Variants in TNN observed in about 807,000 individuals in gnomAD.
TNN encodes tenascin-N.
Under a neutral mutation model 134.4 loss-of-function variants are expected in TNN, and 122 were observed. The ratio of observed to expected loss-of-function variants is 0.91; its 90% CI spans 0.78 to 1.06. The LOEUF (loss-of-function observed/expected upper bound fraction) is 1.06. TNN is among the 50% of genes least tolerant of loss of function. The pLI is 0.00. For synonymous variants in TNN, 710 were observed against 670.3 expected (o/e 1.06, Z -0.91); for missense variants, 1,739 against 1,699.4 (o/e 1.02, Z -0.41).
In TNN at chr1:175,077,480, T is replaced by C. The variant is rs1384959922; in HGVS notation, c.62T>C (p.Val21Ala). Residue 21 changes from valine (V) to alanine (A), a missense_variant, in exon 2 of 19, where the codon GTG becomes GCG. By Grantham distance (64) the Val-to-Ala change is moderately conservative. Coordinates refer to ENST00000239462, the MANE Select transcript of TNN (RefSeq NM_022093.2). ...CTCCTGCTTGGCTCTGTGCTCCTGG[T>C]GGCTTCGGCCCCAGCCACTCTGGAG... ...MGLLLGSVLL[V>A]ASAPATLEPP... 1 of 1,613,774 alleles carries C rather than the reference T, an allele frequency of 6.2e-7. No homozygotes were observed. The highest frequency in any genetic ancestry group is 8.5e-7 in the Non-Finnish European group (1 of 1,180,026).
At position 175,125,741 on chromosome 1, in the gene TNN, CT is replaced by C. The variant is rs1488955370; in HGVS notation, c.2915-1211del. Among the ~76,000 whole-genome samples, 4 of 131,516 alleles carry C rather than the reference CT, an allele frequency of 3.0e-5. No homozygotes were observed. The Admixed American group carries it at 3.2e-4, about 11-fold the overall frequency. The allele number at this position is 131,516 out of a possible 152,430, so 86.3% of individuals were successfully genotyped here. A position where few individuals can be genotyped will look rare whatever the true frequency, so the allele number is the denominator to read the frequency against. On this transcript the variant is annotated intron_variant, in intron 12 of 18. Transcript: ENST00000239462. ...TCTTTCTTTCTTTCTTTCTTTCTTTCTTTCTTTCTTTCTTTCTCTCTCTCTC... is the reference window on the plus strand; with the variant it reads ...TCTTTCTTTCTTTCTTTCTTTCTTTCTTCTTTCTTTCTTTCTCTCTCTCTC...
At position 175,119,283 on chromosome 1, in the gene TNN, G is replaced by C. The variant is rs1675280026; in HGVS notation, c.2650+459G>C. 3.3e-5 allele frequency among the ~76,000 whole-genome samples: 5 copies of C among 152,236 alleles called. No individual in the cohort carries two copies. In the South Asian group the frequency reaches 1.0e-3, roughly 31 times the overall value. On this transcript the variant is annotated intron_variant, in intron 11 of 18. Coordinates refer to ENST00000239462, the MANE Select transcript of TNN (RefSeq NM_022093.2). ...ATACCTCCCCTTTTTAGACCATATA[G>C]GGTGACTTCCTGACATTGCCTTGGC... is the stretch of plus-strand genomic sequence containing the variant.
chr1:175,116,063 C>T (rs917824900), intron 9 of TNN, among the ~76,000 whole-genome samples: 5 of 151,694 alleles, frequency 3.3e-5, no homozygotes, highest in Admixed American at 6.6e-5. Flanking sequence ...TTTTAAATGT[C>T]GTTGTTTATT....
At chr1:175,134,869 T>C (rs967015026) in intron 15 of TNN, among the ~76,000 whole-genome samples, 2 of 152,164 alleles carry the variant, frequency 1.3e-5, no homozygotes, top group Non-Finnish European at 2.9e-5. Flanking sequence ...GTCCATTCCA[T>C]ACACTACAAG....
intron 6 of TNN, 67 bp downstream of exon 6, chr1:175,085,561 A>T: frequency 9.1e-7 from 1 of 1,100,242 alleles, no homozygotes; most frequent in African/African-American, 1.6e-5. Context: ...TTCTTGGCTG[A>T]CTCCTCTCTG....
chr1:175,144,409 T>A lies in TNN; in HGVS notation c.3618T>A (p.Asn1206Lys). 1 of 1,614,060 alleles carries A rather than the reference T, an allele frequency of 6.2e-7. No individual in the cohort carries two copies. Among genetic ancestry groups the A allele is most frequent in the Non-Finnish European group, 8.5e-7 (1 of 1,179,984 alleles). Reference sequence around the variant, plus strand: ...CAGGGGATGCTCTTACTTACCACAATGGATGGAAGTTTACAACTTTTGACA... The same window carrying A: ...CAGGGGATGCTCTTACTTACCACAAAGGATGGAAGTTTACAACTTTTGACA... ...GTAGDALTYH[N>K]GWKFTTFDRD... The change falls in exon 18 of 19, where the codon AAT becomes AAA. Residue 1206 changes from asparagine to lysine, a missense_variant. Coordinates refer to ENST00000239462, the MANE Select transcript of TNN (RefSeq NM_022093.2).
intron 7 of TNN, 54 bp downstream of exon 7, chr1:175,094,307 A>G: frequency 2.1e-6 from 3 of 1,457,550 alleles, no homozygotes; most frequent in East Asian, 4.8e-5. Flanking sequence ...GAGAAGGTTG[A>G]TTTTTGAATC....
At chr1:175,125,701 CTCTCTTTCTT>C (rs776211165) in intron 12 of TNN, among the ~76,000 whole-genome samples, 19,021 of 102,016 alleles carry the variant, frequency 0.19, 2,425 homozygotes, top group Admixed American at 0.24. Flanking sequence ...TCTCTTTTTT[CTCTCTTTCTT>C]TCTTTCTTTC....
chr1:175,083,279 T>C (rs1011255809), intron 4 of TNN, among the ~76,000 whole-genome samples: 1 of 152,254 alleles, frequency 6.6e-6, no homozygotes, highest in African/African-American at 2.4e-5. Flanking sequence ...ATTACCAATG[T>C]TGTCCTTGAG....
At chr1:175,125,440 C>A (rs1191291888) in intron 12 of TNN, among the ~76,000 whole-genome samples, 1 of 152,000 alleles carries the variant, frequency 6.6e-6, no homozygotes, top group African/African-American at 2.4e-5. Flanking sequence ...GTCTACAGTG[C>A]ACACTTGCTT....
intron 18 of TNN, among the ~76,000 whole-genome samples, chr1:175,146,100 T>C (rs1263684868): frequency 6.6e-6 from 1 of 152,172 alleles, no homozygotes; most frequent in East Asian, 1.9e-4. Flanking sequence ...ATGTGATTTT[T>C]CAAAGGGAAG....
chr1:175,145,572 A>AAAAAAAAAAAAAAAAC (rs1558378523), intron 18 of TNN, among the ~76,000 whole-genome samples: 1 of 149,518 alleles, frequency 6.7e-6, no homozygotes, highest in African/African-American at 2.5e-5. Context: ...AAAAAAAAAA[A>AAAAAAAAAAAAAAAAC]AAAGCTGTCT....
Position 175,118,548 on chromosome 1 carries a change from T to A in TNN, c.2387-13T>A. On this transcript the variant is annotated splice_polypyrimidine_tract_variant and intron_variant, in intron 10 of 18. Transcript: ENST00000239462. ...TGTTCATAGTGCATATTGGTCAGCATTTTTTTTTTCAGACATTGACAGCCC... is the reference window on the plus strand; with the variant it reads ...TGTTCATAGTGCATATTGGTCAGCAATTTTTTTTTCAGACATTGACAGCCC... The A allele has an allele frequency of 1.4e-6, 2 of 1,414,496 alleles. No individual in the cohort carries two copies. Among genetic ancestry groups the A allele is most frequent in the Non-Finnish European group, 1.9e-6 (2 of 1,046,018 alleles). 87.6% of individuals were successfully genotyped at this position (1,414,496 alleles called of 1,614,324 possible).
chr1:175,084,602 G>A (rs1185309693), intron 5 of TNN, among the ~76,000 whole-genome samples: 2 of 152,332 alleles, frequency 1.3e-5, no homozygotes, highest in East Asian at 3.9e-4. Context: ...GCCCGTGAAA[G>A]TGTGGGGCTT....
At chr1:175,094,719 A>G (rs1307723071) in intron 7 of TNN, among the ~76,000 whole-genome samples, 1 of 152,244 alleles carries the variant, frequency 6.6e-6, no homozygotes, top group Non-Finnish European at 1.5e-5. Flanking sequence ...TTCAGAAGCC[A>G]TGAGGGTTCT....
At chr1:175,130,336 C>T (rs574292383) in intron 15 of TNN, among the ~76,000 whole-genome samples, 2 of 152,312 alleles carry the variant, frequency 1.3e-5, no homozygotes, top group Admixed American at 1.3e-4. Context: ...ATCTGCACAG[C>T]GACATCTGAC....
chr1:175,128,280 T>C (rs1475557315), intron 14 of TNN, 116 bp downstream of exon 14: 3 of 1,025,230 alleles, frequency 2.9e-6, no homozygotes, highest in Non-Finnish European at 4.2e-6. Context: ...TCTCTAGGCA[T>C]GGGGAAGTGG....
chr1:175,118,855 G>A, intron 11 of TNN, 31 bp downstream of exon 11: 1 of 1,611,788 alleles, frequency 6.2e-7, no homozygotes, highest in East Asian at 2.2e-5. Context: ...AGCAAACCCG[G>A]GTAGTAGCTG....
chr1:175,097,717 T>C, intron 8 of TNN, 34 bp downstream of exon 8: 1 of 1,612,392 alleles, frequency 6.2e-7, no homozygotes, highest in Non-Finnish European at 8.5e-7. Context: ...TGGAATTGAG[T>C]TTTAGCTTGT....
Sources: allele counts gnomAD v4.1 joint callset (sites outside exome capture counted in the v4.1 genomes callset), GRCh38; gene constraint gnomAD v4.1.1; transcripts MANE v1.5; gene names NCBI Gene and HGNC (gene_info 2026-07-23, HGNC 2026-07-21).